NUP153: variants seen among roughly 807,000 people sequenced by gnomAD.
NUP153 encodes nucleoporin 153.
A neutral mutation model predicts 134.6 loss-of-function variants in NUP153; 27 were observed. The ratio of observed to expected loss-of-function variants is 0.20; its 90% CI spans 0.15 to 0.28. The LOEUF is 0.28. Ranked by LOEUF, NUP153 falls within the 10% of genes least tolerant of loss-of-function variation. The pLI is 1.00. For synonymous variants in NUP153, 640 were observed against 623.5 expected, an observed-to-expected ratio of 1.03 and a Z score of -0.40; for missense variants, 1,821 against 1,731.3, an observed-to-expected ratio of 1.05 and a Z score of -0.92.
chr6:17,671,618 C>T (rs1199510644), intron 5 of NUP153, among the ~76,000 whole-genome samples: 1 of 151,990 alleles, frequency 6.6e-6, no homozygotes, highest in Admixed American at 6.6e-5. Flanking sequence ...ATTTATAAAC[C>T]ACCTAAATGG....
intron 1 of NUP153, among the ~76,000 whole-genome samples, chr6:17,696,579 C>A (rs1374480141): frequency 2.0e-5 from 3 of 151,984 alleles, no homozygotes; most frequent in South Asian, 2.1e-4. Flanking sequence ...CACGGTGAAA[C>A]CCCGTCTCTA....
intron 11 of NUP153, among the ~76,000 whole-genome samples, chr6:17,650,857 T>C (rs971405263): frequency 5.9e-5 from 9 of 152,142 alleles, no homozygotes; most frequent in African/African-American, 2.2e-4. Flanking sequence ...ACAGCATAAA[T>C]GCCAGGGAAG....
chr6:17,677,705 T>C (rs1581748529), intron 2 of NUP153, among the ~76,000 whole-genome samples: 1 of 150,510 alleles, frequency 6.6e-6, no homozygotes, highest in East Asian at 2.0e-4. Flanking sequence ...TGTCACACAC[T>C]TGTTAAAGTA....
intron 14 of NUP153, among the ~76,000 whole-genome samples, chr6:17,644,840 C>T (rs954305325): frequency 5.3e-5 from 8 of 152,098 alleles, no homozygotes; most frequent in African/African-American, 9.7e-5. Context: ...AATCCCAGCA[C>T]TTTGGGAGGC....
chr6:17,670,454 C>G (rs943839865), intron 5 of NUP153, among the ~76,000 whole-genome samples: 2 of 152,006 alleles, frequency 1.3e-5, no homozygotes, highest in Non-Finnish European at 2.9e-5. Flanking sequence ...TTGGATTTTT[C>G]TACGTAGATA....
chr6:17,706,359 C>A lies in NUP153; in HGVS notation c.29G>T (p.Gly10Val), dbSNP rs1770501229. The change falls in exon 1 of 22, where the codon GGG becomes GTG. Residue 10 changes from glycine (G) to valine (V), a missense_variant. Gly to Val is a moderately radical substitution (Grantham distance 109, BLOSUM62 -3). Coordinates refer to ENST00000262077, the MANE Select transcript of NUP153 (RefSeq NM_005124.4). This position sits in a 1 kb window ranked among gnomAD's most constrained non-coding sequence, Gnocchi z 5.9. MASGAGGVG[G>V]GGGGKIRTRR... ...CGTCCGGATCTTGCCGCCACCGCCC[C>A]CTCCGACTCCTCCGGCTCCCGAGGC... is the stretch of plus-strand genomic sequence containing the variant. 1.2e-6 allele frequency: 2 copies of A among 1,612,870 alleles called. No individual in the cohort carries two copies. Among genetic ancestry groups the A allele is most frequent in the Non-Finnish European group, 1.7e-6 (2 of 1,179,616 alleles).
At chr6:17,688,700 A>T in intron 1 of NUP153, 82 bp from the exon 2 acceptor site, 1 of 1,063,444 alleles carries the variant, frequency 9.4e-7, no homozygotes, top group Non-Finnish European at 1.4e-6. Flanking sequence ...AAGCCAGGCC[A>T]AGCAAAACAC....
At position 17,669,520 on chromosome 6, in the gene NUP153, A is replaced by G. The variant is rs564692788; in HGVS notation, c.879T>C (p.Ala293=). Residue 293 remains alanine (A), a synonymous_variant, in exon 6 of 22, where the codon GCT becomes GCC. Coordinates refer to ENST00000262077, the MANE Select transcript of NUP153 (RefSeq NM_005124.4). The part of the protein sequence containing the change: ...YQAPVRRQMK[A]KQLSAQSYGV... ...CGTAAGATTGTGCACTGAGTTGCTTAGCTTTCATTTGTCTTCTAACTGGTG... is the reference window on the plus strand; with the variant it reads ...CGTAAGATTGTGCACTGAGTTGCTTGGCTTTCATTTGTCTTCTAACTGGTG... 31 of 1,613,848 alleles carry G rather than the reference A, an allele frequency of 1.9e-5. No homozygotes were observed. The African/African-American group carries it at 2.8e-4, about 15-fold the overall frequency.
chr6:17,660,990 T>C (rs1326971024), intron 11 of NUP153, among the ~76,000 whole-genome samples: 1 of 151,958 alleles, frequency 6.6e-6, no homozygotes, highest in South Asian at 2.1e-4. Context: ...CCTTTCACAA[T>C]ACAACATCAA....
intron 1 of NUP153, among the ~76,000 whole-genome samples, chr6:17,702,368 G>A (rs868856376): frequency 1.1e-4 from 17 of 152,258 alleles, no homozygotes; most frequent in African/African-American, 3.4e-4. Context: ...TTAGCCGGAC[G>A]TGGTGGCAAG....
At position 17,688,575 on chromosome 6, in the gene NUP153, G is replaced by A. The variant is rs1769087086; in HGVS notation, c.155C>T (p.Pro52Leu). Residue 52 changes from proline to leucine, a missense_variant, in exon 2 of 22, where the codon CCA becomes CTA. Transcript: ENST00000262077. ...RVTESVKNIV[P>L]GWLQRYFNKN... The stretch of plus-strand genomic sequence containing the variant: ...GTTGAAGTATCTTTGTAGCCACCCT[G>A]GCACAATATTCTTAACAGATTCTGT... 6.2e-7 allele frequency: 1 copy of A among 1,613,876 alleles called. No homozygotes were observed. The highest frequency in any genetic ancestry group is 8.5e-7 in the Non-Finnish European group (1 of 1,179,850).
At chr6:17,643,140 C>G (rs1216897397) in intron 14 of NUP153, among the ~76,000 whole-genome samples, 1 of 152,142 alleles carries the variant, frequency 6.6e-6, no homozygotes, top group Non-Finnish European at 1.5e-5. Context: ...CTGAATTATT[C>G]CCTTTAAAAT....
intron 11 of NUP153, among the ~76,000 whole-genome samples, chr6:17,655,038 A>G (rs1286210956): frequency 6.6e-6 from 1 of 152,240 alleles, no homozygotes; most frequent in African/African-American, 2.4e-5. Flanking sequence ...GACAAGAGCA[A>G]GCAATTAAGT....
Position 17,675,364 on chromosome 6 carries a change from T to C in NUP153, c.588A>G (p.Ile196Met), listed in dbSNP as rs1466092274. ...GFSSRASDKD[I>M]TVSKNTSLPP... ...GCAATGAAGTGTTCTTTGAAACAGT[T>C]ATATCTGAAACAAAATTACATAATC... The change falls in exon 4 of 22, where the codon ATA becomes ATG. Residue 196 changes from isoleucine to methionine, a missense_variant. Coordinates refer to ENST00000262077, the MANE Select transcript of NUP153 (RefSeq NM_005124.4). The surrounding 1 kb of genome is among the most constrained non-coding windows in gnomAD (Gnocchi z 4.4). 3.1e-6 allele frequency: 5 copies of C among 1,613,452 alleles called. No individual in the cohort carries two copies. Among genetic ancestry groups the C allele is most frequent in the Non-Finnish European group, 4.2e-6 (5 of 1,179,770 alleles).
chr6:17,674,378 T>C (rs1768092739), intron 5 of NUP153, among the ~76,000 whole-genome samples: 1 of 152,174 alleles, frequency 6.6e-6, no homozygotes, highest in Admixed American at 6.5e-5. Flanking sequence ...ACATATCTAA[T>C]ACATAAAACA....
In NUP153 at chr6:17,675,785, A is replaced by G. The variant is rs1467690676; in HGVS notation, c.335-15T>C. ...TGTTGAAGGTTCTTAAAAGAAAAGC[A>G]TTAATATTATGAATATACAACTTAG... On this transcript the variant is annotated splice_polypyrimidine_tract_variant and intron_variant, in intron 2 of 21. Transcript: ENST00000262077. This position sits in a 1 kb window ranked among gnomAD's most constrained non-coding sequence, Gnocchi z 4.4. 1.2e-6 allele frequency: 2 copies of G among 1,609,748 alleles called. No individual in the cohort carries two copies. The highest frequency in any genetic ancestry group is 2.2e-5 in the South Asian group (2 of 90,974).
At chr6:17,702,403 G>A (rs1770174380) in intron 1 of NUP153, among the ~76,000 whole-genome samples, 1 of 152,208 alleles carries the variant, frequency 6.6e-6, no homozygotes, top group Non-Finnish European at 1.5e-5. Flanking sequence ...AGCTACTCGG[G>A]AGGCTGAGGC....
At chr6:17,696,259 T>C (rs1769637246) in intron 1 of NUP153, among the ~76,000 whole-genome samples, 1 of 151,988 alleles carries the variant, frequency 6.6e-6, no homozygotes, top group African/African-American at 2.4e-5. Context: ...CACTAACAAA[T>C]AAGAGTAAAA....
chr6:17,622,216 G>A (rs770327586), intron 20 of NUP153, among the ~76,000 whole-genome samples: 30 of 152,294 alleles, frequency 2.0e-4, no homozygotes, highest in Non-Finnish European at 3.4e-4. Flanking sequence ...TTAGGAGGCT[G>A]AGGTGGGTGG....
Sources: allele counts gnomAD v4.1 joint callset (sites outside exome capture counted in the v4.1 genomes callset), GRCh38; gene constraint gnomAD v4.1.1; non-coding constraint Gnocchi (gnomAD v3.1); transcripts MANE v1.5; gene names NCBI Gene and HGNC (gene_info 2026-07-23, HGNC 2026-07-21).